The following PELI1 variants were observed in gnomAD, a reference collection of about 807,000 sequenced individuals.
The protein encoded by PELI1 is pellino E3 ubiquitin protein ligase 1, also known as E3 ubiquitin-protein ligase pellino homolog 1.
Under a neutral mutation model 41.3 loss-of-function variants are expected in PELI1, and 15 were observed. The ratio of observed to expected loss-of-function variants is 0.36; its 90% CI spans 0.24 to 0.56. The LOEUF (loss-of-function observed/expected upper bound fraction) is 0.56, where lower values mean the gene tolerates loss of function less well. PELI1 is among the 20% of genes least tolerant of loss of function. The pLI, the probability that PELI1 is intolerant of heterozygous loss-of-function variation, is 0.82. For synonymous variants in PELI1, 178 were observed against 180.1 expected (o/e 0.99, Z 0.09); for missense variants, 403 against 525.5 (o/e 0.77, Z 2.28).
rs777351494 is a variant in PELI1 at position 64,092,663 on chromosome 2, C to G, written c.*2039G>C. The G allele has an allele frequency of 1.7e-4, 26 of 152,182 alleles. No homozygotes were observed. The highest frequency in any genetic ancestry group is 3.5e-4 in the Non-Finnish European group (24 of 68,036). 9.4% of individuals were successfully genotyped at this position (152,182 alleles called of 1,614,324 possible). A position where few individuals can be genotyped will look rare whatever the true frequency, so the allele number is the denominator to read the frequency against. Reference sequence around the variant, plus strand: ...AGAAAAGGCCTCAATTATTCAACCACTAACAAAGTTCCTTTATTAGTAAGA... The same window carrying G: ...AGAAAAGGCCTCAATTATTCAACCAGTAACAAAGTTCCTTTATTAGTAAGA... On this transcript the variant is annotated 3_prime_UTR_variant, in exon 7 of 7. Transcript: ENST00000358912.
chr2:64,140,804 C>CAAAAAAAAAAAAAAAAAAAAA (rs200569281), intron 1 of PELI1, among the ~76,000 whole-genome samples: 1 of 102,608 alleles, frequency 9.7e-6, no homozygotes, highest in Non-Finnish European at 1.8e-5. Context: ...AAAAAACAAA[C>CAAAAAAAAAAAAAAAAAAAAA]AAACAAAAAA....
intron 3 of PELI1, among the ~76,000 whole-genome samples, chr2:64,101,066 T>G (rs145952442): frequency 1.3e-5 from 2 of 152,184 alleles, no homozygotes; most frequent in African/African-American, 4.8e-5. Context: ...GACTCCCTTA[T>G]TAAGTATTTT....
intron 1 of PELI1, among the ~76,000 whole-genome samples, chr2:64,138,743 G>C (rs1005817237): frequency 6.6e-6 from 1 of 151,928 alleles, no homozygotes; most frequent in Non-Finnish European, 1.5e-5. Flanking sequence ...CAAAAAACAA[G>C]AAACAAAAAG....
intron 1 of PELI1, among the ~76,000 whole-genome samples, chr2:64,114,102 G>C (rs1194110691): frequency 1.3e-5 from 2 of 152,180 alleles, no homozygotes; most frequent in African/African-American, 4.8e-5. Context: ...GAGAAAAAAA[G>C]GAAAATGTTT....
At chr2:64,139,431 G>A (rs749548366) in intron 1 of PELI1, among the ~76,000 whole-genome samples, 2 of 151,770 alleles carry the variant, frequency 1.3e-5, no homozygotes, top group Non-Finnish European at 2.9e-5. Context: ...TCAGCTTCCC[G>A]AGTAGTTGGG....
chr2:64,129,300 T>C (rs7572397), intron 1 of PELI1, among the ~76,000 whole-genome samples: 35,151 of 152,146 alleles, frequency 0.23, 5,262 homozygotes, highest in East Asian at 0.74. Flanking sequence ...GGGAAATTTT[T>C]AGACAGCAAT....
intron 1 of PELI1, among the ~76,000 whole-genome samples, chr2:64,127,270 G>T (rs1030609261): frequency 2.0e-5 from 3 of 152,212 alleles, no homozygotes; most frequent in African/African-American, 7.2e-5. Context: ...CGAGCAAGGT[G>T]GCTCACACCT....
intron 1 of PELI1, among the ~76,000 whole-genome samples, chr2:64,140,476 AAG>A (rs1341522480): frequency 6.6e-6 from 1 of 152,112 alleles, no homozygotes; most frequent in Non-Finnish European, 1.5e-5. Flanking sequence ...AATTCTTCTT[AAG>A]AGTCATTTAC....
intron 1 of PELI1, among the ~76,000 whole-genome samples, chr2:64,142,595 A>G (rs1681949003): frequency 6.6e-6 from 1 of 152,216 alleles, no homozygotes; most frequent in Non-Finnish European, 1.5e-5. Context: ...GTATAAATAA[A>G]AAAAACAAGG....
rs762723402 is a variant in PELI1, at chr2:64,096,143, A to T, written c.672T>A (p.Ala224=). ...TATTTACCATTTTTCCTCTCTGCTG[A>T]GCCGATCTGGTTTCACGTAGGCTAA... ...NVFSLRETRS[A]QQRGKMVEIE... is the part of the protein sequence containing the mutation. Residue 224 remains alanine, a synonymous_variant, in exon 6 of 7, where the codon GCT becomes GCA. Transcript: ENST00000358912. The T allele has an allele frequency of 6.2e-6, 10 of 1,613,346 alleles. No individual in the cohort carries two copies. In the East Asian group the frequency reaches 2.2e-4, roughly 36 times the overall value.
chr2:64,100,326 AGCAAAAG>A (rs1304079838), intron 4 of PELI1, 65 bp downstream of exon 4: 3 of 787,896 alleles, frequency 3.8e-6, no homozygotes, highest in Non-Finnish European at 6.8e-6. Flanking sequence ...CTCTGACCTC[AGCAAAAG>A]TCACCAACAA....
chr2:64,134,657 T>C (rs775235733), intron 1 of PELI1, among the ~76,000 whole-genome samples: 20 of 152,246 alleles, frequency 1.3e-4, no homozygotes, highest in Middle Eastern at 3.4e-3. Context: ...GTGAGAACAA[T>C]TCAAAGAAAA....
At chr2:64,100,849 C>T (rs1006494941) in intron 3 of PELI1, among the ~76,000 whole-genome samples, 1 of 152,154 alleles carries the variant, frequency 6.6e-6, no homozygotes, top group Non-Finnish European at 1.5e-5. Flanking sequence ...ACCTCAGCCT[C>T]CCAAGCAGCT....
rs1208440045 is a variant in PELI1 at position 64,124,866 on chromosome 2, C to T, written c.-69-16487G>A. 4.6e-5 allele frequency among the ~76,000 whole-genome samples: 7 copies of T among 152,114 alleles called. 1 individual carries two copies. The highest frequency in any genetic ancestry group is 1.7e-4 in the African/African-American group (7 of 41,432). ...TAAAGGGCTCATGCCACAAGACTCC[C>T]CTAAGTTCAGATGCCAATCAAAGTC... On this transcript the variant is annotated intron_variant, in intron 1 of 6. Coordinates refer to ENST00000358912, the MANE Select transcript of PELI1 (RefSeq NM_020651.4).
intron 3 of PELI1, among the ~76,000 whole-genome samples, chr2:64,103,565 A>C (rs1449165349): frequency 6.6e-6 from 1 of 152,182 alleles, no homozygotes; most frequent in African/African-American, 2.4e-5. Flanking sequence ...TGCTTAGTAT[A>C]TTCCTTCTCG....
chr2:64,117,157 C>T, intron 1 of PELI1, among the ~76,000 whole-genome samples: 1 of 152,216 alleles, frequency 6.6e-6, no homozygotes, highest in Non-Finnish European at 1.5e-5. Context: ...ACAGTGGCCT[C>T]TAACTGTTTA....
intron 1 of PELI1, among the ~76,000 whole-genome samples, chr2:64,110,582 C>T (rs376248805): frequency 1.3e-5 from 2 of 152,148 alleles, no homozygotes; most frequent in East Asian, 1.9e-4. Flanking sequence ...TAAATACAAT[C>T]GACTTTCCTT....
rs1365680500 is a variant in PELI1, at chr2:64,093,206, T to C, written c.*1496A>G. 6.6e-6 allele frequency: 1 copy of C among 152,650 alleles called. No individual in the cohort carries two copies. The highest frequency in any genetic ancestry group is 1.5e-5 in the Non-Finnish European group (1 of 68,030). The allele number at this position is 152,650 out of a possible 1,614,324, so 9.5% of individuals were successfully genotyped here. On this transcript the variant is annotated 3_prime_UTR_variant, in exon 7 of 7. Coordinates refer to ENST00000358912, the MANE Select transcript of PELI1 (RefSeq NM_020651.4). ...TGGCTTCTAAGCAACAAGTTTTGTT[T>C]TTTAAAAACCAAAAGAAAATTCAGA... is the stretch of plus-strand genomic sequence containing the variant.
intron 1 of PELI1, among the ~76,000 whole-genome samples, chr2:64,120,573 A>C (rs1480272690): frequency 6.6e-6 from 1 of 152,220 alleles, no homozygotes; most frequent in Admixed American, 6.5e-5. Flanking sequence ...GTAAAAAGTT[A>C]CTAGTTATTA....
Sources: gnomAD v4.1 joint callset for allele counts (sites outside exome capture counted in the v4.1 genomes callset) on GRCh38, gnomAD v4.1.1 for gene constraint, MANE v1.5 for transcripts, NCBI Gene and HGNC (gene_info 2026-07-23, HGNC 2026-07-21) for gene names.